ERC2: variants seen among roughly 807,000 people sequenced by gnomAD.
ERC2 encodes the protein ERC protein 2.
A neutral mutation model predicts 114.8 loss-of-function variants in ERC2; 42 were observed. That is an observed-to-expected ratio of 0.37 (90% CI 0.29 to 0.47). The LOEUF is 0.47. Ranked by LOEUF, ERC2 falls within the 20% of genes least tolerant of loss-of-function variation. The probability of loss-of-function intolerance (pLI) is 0.99; values close to 1 mark genes in which losing one functional copy is unlikely to be tolerated. For missense variants in ERC2, 939 were observed against 1,150.7 expected, an observed-to-expected ratio of 0.82 and a Z score of 2.66; for synonymous variants, 454 against 425.5, an observed-to-expected ratio of 1.07 and a Z score of -0.82.
At chr3:55,837,842 A>G (rs62255818) in intron 14 of ERC2, among the ~76,000 whole-genome samples, 11,756 of 151,870 alleles carry the variant, frequency 0.077, 642 homozygotes, top group South Asian at 0.17. Flanking sequence ...AAATATAAAG[A>G]TATACACAGA....
chr3:55,888,015 A>G (rs2149318594), intron 14 of ERC2, among the ~76,000 whole-genome samples: 1 of 152,244 alleles, frequency 6.6e-6, no homozygotes, highest in African/African-American at 2.4e-5. Context: ...TTAGGAAATA[A>G]CTCCTCAGAA....
chr3:56,289,215 A>G (rs1051679849), intron 3 of ERC2, among the ~76,000 whole-genome samples: 2 of 152,068 alleles, frequency 1.3e-5, no homozygotes, highest in African/African-American at 4.8e-5. Flanking sequence ...ACAGGTCTAC[A>G]GCAGTTGTCT....
chr3:56,246,287 C>T (rs1237369455), intron 3 of ERC2, among the ~76,000 whole-genome samples: 1 of 151,966 alleles, frequency 6.6e-6, no homozygotes, highest in Non-Finnish European at 1.5e-5. Context: ...AGGGGCCTGC[C>T]CTGTGCATTG....
intron 17 of ERC2, among the ~76,000 whole-genome samples, chr3:55,586,785 T>G (rs909038818): frequency 6.6e-6 from 1 of 152,252 alleles, no homozygotes; most frequent in African/African-American, 2.4e-5. Flanking sequence ...ATTTTTATTC[T>G]GAAATATTTC....
At chr3:55,597,133 T>C (rs2058176147) in intron 17 of ERC2, among the ~76,000 whole-genome samples, 1 of 152,162 alleles carries the variant, frequency 6.6e-6, no homozygotes, top group African/African-American at 2.4e-5. Context: ...AAAAGAAGAA[T>C]GATTTGGCCG....
chr3:55,869,817 C>T (rs2062494981), intron 14 of ERC2, among the ~76,000 whole-genome samples: 1 of 152,076 alleles, frequency 6.6e-6, no homozygotes. Context: ...GTGGAATGCA[C>T]AGAGAAAGAA....
intron 6 of ERC2, among the ~76,000 whole-genome samples, chr3:56,117,796 A>G (rs2079329573): frequency 6.6e-6 from 1 of 152,236 alleles, no homozygotes; most frequent in South Asian, 2.1e-4. Flanking sequence ...CCTTGTCTAC[A>G]CTGTATTGTC....
At chr3:56,026,053 CTTTCTTTT>C (rs1241598767) in intron 7 of ERC2, among the ~76,000 whole-genome samples, 16 of 94,618 alleles carry the variant, frequency 1.7e-4, no homozygotes, top group African/African-American at 5.5e-4. Context: ...TCCTCCGTTT[CTTTCTTTT>C]TTTTTTTTTT....
rs58512381 is a variant in ERC2 at position 55,954,081 on chromosome 3, TAAAAAAAAAAAAA to T, written c.2268-3534_2268-3522del. ...CAAGAGACTGACTTGCTCCATTATTTAAAAAAAAAAAAAAAAAAAAAAAAAAAAAAAGGTTTCT... is the reference window on the plus strand; with the variant it reads ...CAAGAGACTGACTTGCTCCATTATTTAAAAAAAAAAAAAAAAAAGGTTTCT... On this transcript the variant is annotated intron_variant, in intron 12 of 17. Transcript: ENST00000288221. Among the ~76,000 whole-genome samples, 95 of 50,352 alleles carry T rather than the reference TAAAAAAAAAAAAA, an allele frequency of 1.9e-3. 1 individual carries two copies. In the Middle Eastern group the frequency reaches 0.06, roughly 32 times the overall value. The allele number at this position is 50,352 out of a possible 152,430, so 33.0% of individuals were successfully genotyped here. A position where few individuals can be genotyped will look rare whatever the true frequency, so the allele number is the denominator to read the frequency against.
intron 1 of ERC2, among the ~76,000 whole-genome samples, chr3:56,462,694 A>G (rs2063368175): frequency 6.6e-6 from 1 of 152,040 alleles, no homozygotes. Flanking sequence ...TAACCCCTCT[A>G]AGTTTTAATG....
chr3:55,880,730 A>G (rs1045541180), intron 14 of ERC2, among the ~76,000 whole-genome samples: 2 of 152,076 alleles, frequency 1.3e-5, no homozygotes, highest in Non-Finnish European at 1.5e-5. Flanking sequence ...TATTTTTAAA[A>G]TTGGACATGT....
At chr3:55,964,771 C>G (rs1051559446) in intron 12 of ERC2, among the ~76,000 whole-genome samples, 2 of 152,182 alleles carry the variant, frequency 1.3e-5, no homozygotes, top group Admixed American at 1.3e-4. Flanking sequence ...GCAGGCTTAA[C>G]CGGGGAATAA....
chr3:56,194,871 G>A (rs927370779), intron 3 of ERC2, among the ~76,000 whole-genome samples: 2 of 151,782 alleles, frequency 1.3e-5, no homozygotes, highest in African/African-American at 4.8e-5. Flanking sequence ...GCAGTCAACG[G>A]TGTGGCACAG....
chr3:55,653,855 C>T (rs1475816883), intron 17 of ERC2, among the ~76,000 whole-genome samples: 3 of 152,182 alleles, frequency 2.0e-5, no homozygotes, highest in Non-Finnish European at 2.9e-5. Flanking sequence ...ATATTTGTTC[C>T]TCAGATCATC....
chr3:56,398,655 C>T (rs767770564), intron 2 of ERC2, among the ~76,000 whole-genome samples: 4 of 151,992 alleles, frequency 2.6e-5, no homozygotes, highest in Admixed American at 6.6e-5. Flanking sequence ...GACAGGCTCT[C>T]ATTCTGTTGG....
chr3:55,692,507 T>A (rs2062719976), intron 16 of ERC2, among the ~76,000 whole-genome samples: 1 of 152,148 alleles, frequency 6.6e-6, no homozygotes, highest in Non-Finnish European at 1.5e-5. Flanking sequence ...GGAATGCTCT[T>A]ATAGGATGCT....
chr3:56,102,134 A>G (rs1301765700), intron 6 of ERC2, among the ~76,000 whole-genome samples: 1 of 152,208 alleles, frequency 6.6e-6, no homozygotes, highest in East Asian at 1.9e-4. Context: ...GACAGAGACT[A>G]AACACTGGAA....
chr3:56,121,296 G>T (rs774539897), intron 6 of ERC2, among the ~76,000 whole-genome samples: 42 of 152,094 alleles, frequency 2.8e-4, no homozygotes, highest in Non-Finnish European at 4.3e-4. Flanking sequence ...GGTGTAGAAA[G>T]GTTAACTATT....
intron 14 of ERC2, among the ~76,000 whole-genome samples, chr3:55,742,108 AC>A (rs1193008314): frequency 2.6e-5 from 4 of 151,998 alleles, no homozygotes; most frequent in African/African-American, 4.8e-5. Flanking sequence ...AAAAAAAAAA[AC>A]AAAACCTTCC....
Sources: allele counts gnomAD v4.1 joint callset (sites outside exome capture counted in the v4.1 genomes callset), GRCh38; gene constraint gnomAD v4.1.1; transcripts MANE v1.5; gene names NCBI Gene and HGNC (gene_info 2026-07-23, HGNC 2026-07-21).